The following EYA2 variants were observed in gnomAD, a reference collection of about 807,000 sequenced individuals.
EYA2 encodes the protein protein phosphatase EYA2.
EYA2 carries 31 observed loss-of-function variants against 69.2 expected under a neutral mutation model. The ratio of observed to expected loss-of-function variants is 0.45; its 90% CI spans 0.34 to 0.60. The LOEUF (loss-of-function observed/expected upper bound fraction) is 0.60. EYA2 is among the 20% of genes least tolerant of loss of function. EYA2 has a pLI of 0.02. For missense variants in EYA2, 622 were observed against 701.2 expected, an observed-to-expected ratio of 0.89 and a Z score of 1.28; for synonymous variants, 257 against 279.4, an observed-to-expected ratio of 0.92 and a Z score of 0.80.
Position 46,975,207 on chromosome 20 carries a change from A to G in EYA2, c.-10-14794A>G, listed in dbSNP as rs373809740. Among the ~76,000 whole-genome samples, 12 of 152,180 alleles carry G rather than the reference A, an allele frequency of 7.9e-5. No homozygotes were observed. In the East Asian group the frequency reaches 2.3e-3, roughly 29 times the overall value. On this transcript the variant is annotated intron_variant, in intron 1 of 15. Transcript: ENST00000327619. ...TTACGCAGAGCTGCATGTGTGATAA[A>G]ATGACACAGAGCTACACACACACTG...
intron 9 of EYA2, among the ~76,000 whole-genome samples, chr20:47,108,872 G>A (rs2032669255): frequency 1.3e-5 from 2 of 151,960 alleles, no homozygotes; most frequent in Admixed American, 6.6e-5. Context: ...CATTCTTAAG[G>A]AGCCCCTCTG....
intron 14 of EYA2, among the ~76,000 whole-genome samples, chr20:47,181,726 A>T (rs1307677226): frequency 3.3e-5 from 5 of 152,336 alleles, no homozygotes; most frequent in South Asian, 2.1e-4. Context: ...AAAAATAAAA[A>T]AAATAAATAA....
At chr20:47,015,961 C>T (rs954552992) in intron 4 of EYA2, among the ~76,000 whole-genome samples, 21 of 152,216 alleles carry the variant, frequency 1.4e-4, no homozygotes, top group African/African-American at 5.1e-4. Flanking sequence ...AATATCCTGA[C>T]TTTTAACAAA....
At chr20:47,139,866 A>G (rs1317073688) in intron 9 of EYA2, among the ~76,000 whole-genome samples, 2 of 152,182 alleles carry the variant, frequency 1.3e-5, no homozygotes, top group Non-Finnish European at 2.9e-5. Context: ...CAACACACAC[A>G]TGCAAACTTT....
rs112082273 is a variant in EYA2 at position 47,034,330 on chromosome 20, A to G, written c.415+18033A>G. Among the ~76,000 whole-genome samples, 593 of 152,348 alleles carry G rather than the reference A, an allele frequency of 3.9e-3. 7 individuals carry two copies. Among genetic ancestry groups the G allele is most frequent in the African/African-American group, 0.013 (558 of 41,582 alleles). ...ACGGATAGGGCTTAGGACACAGGTA[A>G]GTTTCGCAAAAATGTGAGTCAACAT... On this transcript the variant is annotated intron_variant, in intron 5 of 15. Transcript: ENST00000327619.
intron 9 of EYA2, among the ~76,000 whole-genome samples, chr20:47,132,393 G>A (rs1050218170): frequency 2.0e-5 from 3 of 152,226 alleles, no homozygotes; most frequent in Non-Finnish European, 2.9e-5. Context: ...ACTATCGCAT[G>A]GGAATTTCTC....
intron 1 of EYA2, among the ~76,000 whole-genome samples, chr20:46,945,535 C>T (rs1459025535): frequency 6.6e-6 from 1 of 152,182 alleles, no homozygotes; most frequent in Non-Finnish European, 1.5e-5. Context: ...CAGAGCCCTG[C>T]GGAAATGCAG....
chr20:47,097,413 T>C (rs750473685), intron 9 of EYA2, among the ~76,000 whole-genome samples: 2 of 152,232 alleles, frequency 1.3e-5, no homozygotes, highest in Non-Finnish European at 2.9e-5. Context: ...CAACATTTAC[T>C]TGATAGGAAA....
intron 10 of EYA2, among the ~76,000 whole-genome samples, chr20:47,145,907 A>T (rs2033690464): frequency 6.6e-6 from 1 of 152,082 alleles, no homozygotes; most frequent in Non-Finnish European, 1.5e-5. Flanking sequence ...TCTTAAAAAA[A>T]AAAAAAGTAA....
At chr20:46,915,149 G>A (rs1984840836) in intron 1 of EYA2, among the ~76,000 whole-genome samples, 1 of 152,196 alleles carries the variant, frequency 6.6e-6, no homozygotes, top group Non-Finnish European at 1.5e-5. Context: ...GCTGTTGCCT[G>A]TGGCAGGCAG....
intron 9 of EYA2, 45 bp downstream of exon 9, chr20:47,097,213 G>C (rs368139552): frequency 1.4e-6 from 2 of 1,450,918 alleles, no homozygotes; most frequent in South Asian, 1.2e-5. Flanking sequence ...TGTTTTCAAC[G>C]TTATTGTCCA....
intron 7 of EYA2, among the ~76,000 whole-genome samples, chr20:47,085,232 A>G (rs2031857444): frequency 6.6e-6 from 1 of 152,244 alleles, no homozygotes; most frequent in Admixed American, 6.5e-5. Flanking sequence ...CAATGTGTGA[A>G]TTAATGTTCA....
chr20:47,160,670 T>C (rs1600756024), intron 10 of EYA2, among the ~76,000 whole-genome samples: 1 of 152,126 alleles, frequency 6.6e-6, no homozygotes, highest in African/African-American at 2.4e-5. Flanking sequence ...AGGTGATCAG[T>C]GTGTACGCAT....
intron 1 of EYA2, among the ~76,000 whole-genome samples, chr20:46,927,617 G>A (rs1448222007): frequency 3.3e-5 from 5 of 152,156 alleles, no homozygotes; most frequent in East Asian, 1.9e-4. Flanking sequence ...ATCAGATCTC[G>A]TGAGACTTAT....
At position 47,005,034 on chromosome 20, in the gene EYA2, C is replaced by G. The variant is rs777117006; in HGVS notation, c.248C>G (p.Pro83Arg). 21 of 1,613,872 alleles carry G rather than the reference C, an allele frequency of 1.3e-5. No homozygotes were observed. Among genetic ancestry groups the G allele is most frequent in the African/African-American group, 5.3e-5 (4 of 74,910 alleles). The change falls in exon 4 of 16, where the codon CCC (proline) becomes CGC (arginine). Residue 83 changes from proline (P) to arginine (R), a missense_variant. Pro to Arg is a moderately radical substitution (Grantham distance 103). Coordinates refer to ENST00000327619, the MANE Select transcript of EYA2 (RefSeq NM_005244.5). The part of the protein sequence containing the change: ...QYSAGIQQAT[P>R]YTAYPPPAQA... The stretch of plus-strand genomic sequence containing the variant: ...AGTGCGGGGATCCAGCAGGCTACCC[C>G]CTATACAGCTTACCCACCTCCAGCA...
At chr20:47,040,391 T>TG (rs1002043284) in intron 5 of EYA2, among the ~76,000 whole-genome samples, 4 of 152,216 alleles carry the variant, frequency 2.6e-5, no homozygotes, top group Non-Finnish European at 4.4e-5. Context: ...TCTCCCTCAA[T>TG]GGGGGATCTT....
intron 10 of EYA2, among the ~76,000 whole-genome samples, chr20:47,158,690 A>T (rs1479033863): frequency 6.6e-6 from 1 of 151,978 alleles, no homozygotes; most frequent in African/African-American, 2.4e-5. Context: ...CAAGAACTAT[A>T]TGATTATCCC....
intron 1 of EYA2, among the ~76,000 whole-genome samples, chr20:46,897,142 A>C (rs1250115031): frequency 2.0e-5 from 3 of 152,218 alleles, no homozygotes; most frequent in Non-Finnish European, 4.4e-5. Flanking sequence ...AAAAACGCCC[A>C]AGACACGCTG....
chr20:46,962,431 C>T (rs1004500374), intron 1 of EYA2, among the ~76,000 whole-genome samples: 1 of 152,168 alleles, frequency 6.6e-6, no homozygotes, highest in East Asian at 1.9e-4. Context: ...AAATATCACA[C>T]TGTACCCTAT....
Sources: gnomAD v4.1 joint callset for allele counts (sites outside exome capture counted in the v4.1 genomes callset) on GRCh38, gnomAD v4.1.1 for gene constraint, MANE v1.5 for transcripts, NCBI Gene and HGNC (gene_info 2026-07-23, HGNC 2026-07-21) for gene names.